The following SLC2A9 variants were observed in gnomAD, a reference collection of about 807,000 sequenced individuals.
SLC2A9 encodes the protein solute carrier family 2, facilitated glucose transporter member 9.
A neutral mutation model predicts 50.6 loss-of-function variants in SLC2A9; 39 were observed. The observed-to-expected ratio is 0.77, with a 90% confidence interval of 0.60 to 1.01. SLC2A9 has a LOEUF of 1.01. Ranked by LOEUF, SLC2A9 falls within the 50% of genes least tolerant of loss-of-function variation. SLC2A9 has a pLI of 0.00. For missense variants in SLC2A9, 686 were observed against 677.6 expected (o/e 1.01, Z -0.14); for synonymous variants, 324 against 276.9 (o/e 1.17, Z -1.69).
Position 9,785,175 on chromosome 4 carries a change from G to A in SLC2A9, n.386-5110C>T, listed in dbSNP as rs6854162. On this transcript the variant is annotated intron_variant and non_coding_transcript_variant, in intron 3 of 3. Coordinates refer to the SLC2A9 transcript ENST00000503803. ...TCAGGAGATCGTCGCATGACCTTGA[G>A]TGAGTCAATTAACCTTTCTGGGCCT... Among the ~76,000 whole-genome samples, 521 of 152,296 alleles carry A rather than the reference G, an allele frequency of 3.4e-3. 4 individuals carry two copies. The highest frequency in any genetic ancestry group is 0.011 in the African/African-American group (473 of 41,566).
chr4:10,021,582 C>G (rs1310986741), upstream of SLC2A9: 1 of 1,166,474 alleles, frequency 8.6e-7, no homozygotes, highest in East Asian at 2.6e-5. Flanking sequence ...GGCAACGGGG[C>G]AACATTTTTT....
At chr4:10,026,335 AT>A (rs1763751130), upstream of SLC2A9, among the ~76,000 whole-genome samples, 1 of 152,140 alleles carries the variant, frequency 6.6e-6, no homozygotes, top group South Asian at 2.1e-4. Flanking sequence ...TGTCACCCAT[AT>A]TTTTTTTTTA....
At chr4:9,866,685 G>C (rs943160678) in intron 10 of SLC2A9, among the ~76,000 whole-genome samples, 30 of 152,246 alleles carry the variant, frequency 2.0e-4, no homozygotes, top group Admixed American at 1.7e-3. Context: ...CCTAAGGCAG[G>C]AGCTGTGAGG....
At chr4:9,792,348 T>TG (rs1720045995) in intron 3 of SLC2A9, among the ~76,000 whole-genome samples, 1 of 150,902 alleles carries the variant, frequency 6.6e-6, no homozygotes, top group African/African-American at 2.4e-5. Flanking sequence ...GGATAGTTTT[T>TG]TTTTTTTTTT....
rs548270754 is a variant in SLC2A9, at chr4:9,922,026, T to C, written c.815-1454A>G. ...TGAAACAAAAAATCTCTCTTCTTTC[T>C]CTTAAAATTTCCTATCTTCCAGCTC... On this transcript the variant is annotated intron_variant, in intron 6 of 11. Coordinates refer to ENST00000264784, the MANE Select transcript of SLC2A9 (RefSeq NM_020041.3). Among the ~76,000 whole-genome samples, 390 of 152,314 alleles carry C rather than the reference T, an allele frequency of 2.6e-3. 5 individuals carry two copies. The highest frequency in any genetic ancestry group is 9.2e-3 in the African/African-American group (381 of 41,548).
chr4:9,868,290 GC>G (rs1189200493), intron 10 of SLC2A9, among the ~76,000 whole-genome samples: 1 of 152,226 alleles, frequency 6.6e-6, no homozygotes, highest in Non-Finnish European at 1.5e-5. Flanking sequence ...GAGTCGCCTG[GC>G]AGTGCAGCCT....
chr4:10,022,413 G>C (rs1258273348), upstream of SLC2A9, among the ~76,000 whole-genome samples: 1 of 152,274 alleles, frequency 6.6e-6, no homozygotes, highest in East Asian at 1.9e-4. Context: ...CACTGGCTGA[G>C]GGGACATGTC....
chr4:9,938,304 C>G (rs1444998546), intron 6 of SLC2A9, among the ~76,000 whole-genome samples: 1 of 138,652 alleles, frequency 7.2e-6, no homozygotes, highest in Admixed American at 7.8e-5. Flanking sequence ...TGGAGTCTCA[C>G]TCTGTTGCCC....
At chr4:9,864,960 C>T (rs1452946121) in intron 10 of SLC2A9, among the ~76,000 whole-genome samples, 2 of 152,248 alleles carry the variant, frequency 1.3e-5, no homozygotes, top group East Asian at 1.9e-4. Context: ...TGGAGTACCA[C>T]CTGCTTCCAC....
intron 10 of SLC2A9, chr4:9,879,404 G>T (rs1734837308): frequency 1.0e-6 from 1 of 983,902 alleles, no homozygotes; most frequent in Non-Finnish European, 1.2e-6. Flanking sequence ...GTGTGTGTTT[G>T]TGCGTGTGGG....
chr4:9,885,530 G>T (rs1447438025), intron 10 of SLC2A9, among the ~76,000 whole-genome samples: 1 of 152,216 alleles, frequency 6.6e-6, no homozygotes, highest in East Asian at 1.9e-4. Flanking sequence ...AAACCCTGCT[G>T]CCAGGGCAGG....
chr4:9,843,076 T>C (rs746659376), intron 10 of SLC2A9, among the ~76,000 whole-genome samples: 1 of 152,164 alleles, frequency 6.6e-6, no homozygotes, highest in African/African-American at 2.4e-5. Context: ...CCATGTCTCA[T>C]CAGTCACTCA....
intron 9 of SLC2A9, 128 bp downstream of exon 9, chr4:9,890,482 C>G (rs745816581): frequency 3.3e-6 from 3 of 896,418 alleles, no homozygotes. Flanking sequence ...GAGATGTCCC[C>G]GGGGAGAGCT....
intron 3 of SLC2A9, among the ~76,000 whole-genome samples, chr4:9,818,500 G>A (rs938360663): frequency 1.3e-5 from 2 of 152,242 alleles, no homozygotes; most frequent in African/African-American, 4.8e-5. Context: ...GCCAGCTGGG[G>A]ATTTATAGTA....
chr4:9,985,869 G>C (rs565001465), intron 3 of SLC2A9, 76 bp from the exon 4 acceptor site: 3 of 1,603,608 alleles, frequency 1.9e-6, no homozygotes, highest in Non-Finnish European at 2.6e-6. Flanking sequence ...CCAGGAGCAG[G>C]AGCCAGGCCC....
intron 7 of SLC2A9, among the ~76,000 whole-genome samples, chr4:9,913,441 G>A (rs989385552): frequency 2.3e-4 from 35 of 152,118 alleles, no homozygotes; most frequent in African/African-American, 8.4e-4. Flanking sequence ...ACAGACAAAT[G>A]GTGATGTATA....
chr4:9,985,402 G>T (rs1487067395), intron 4 of SLC2A9, among the ~76,000 whole-genome samples: 1 of 152,122 alleles, frequency 6.6e-6, no homozygotes, highest in East Asian at 1.9e-4. Context: ...CAAACAGAAG[G>T]CATGACATGC....
At chr4:9,798,717 T>A (rs1720914365), downstream of SLC2A9, 1 of 150,320 alleles carries the variant, frequency 6.7e-6, no homozygotes, top group Non-Finnish European at 1.5e-5. Context: ...ATGGACAAAC[T>A]TGAGTATCAA....
In SLC2A9 at chr4:9,913,351, G is replaced by A. The variant is rs555877866; in HGVS notation, c.1003-5006C>T. Among the ~76,000 whole-genome samples, 75 of 150,268 alleles carry A rather than the reference G, an allele frequency of 5.0e-4. No individual in the cohort carries two copies. In the East Asian group the frequency reaches 0.012, roughly 24 times the overall value. On this transcript the variant is annotated intron_variant, in intron 7 of 11. Transcript: ENST00000264784. ...TGTGTGAGAGAGAGAGAGAGAGAGA[G>A]AGAGACAGAGAGAGAGAGAAACAGA...
Sources: allele counts gnomAD v4.1 joint callset (sites outside exome capture counted in the v4.1 genomes callset), GRCh38; gene constraint gnomAD v4.1.1; transcripts MANE v1.5; gene names NCBI Gene and HGNC (gene_info 2026-07-23, HGNC 2026-07-21).